The following DDX10 variants were observed in gnomAD, a reference collection of about 807,000 sequenced individuals.
DDX10 encodes the protein DEAD-box helicase 10.
In DDX10, 74 loss-of-function variants were observed where a neutral mutation model predicts 104.3. The ratio of observed to expected loss-of-function variants is 0.71; its 90% CI spans 0.59 to 0.86. The LOEUF (loss-of-function observed/expected upper bound fraction) is 0.86. Among genes scored for constraint, DDX10 ranks in the 40% least tolerant of loss-of-function variants. DDX10 has a pLI of 0.00. For synonymous variants in DDX10, 351 were observed against 353.4 expected, an observed-to-expected ratio of 0.99 and a Z score of 0.08; for missense variants, 952 against 1,040.0, an observed-to-expected ratio of 0.92 and a Z score of 1.16.
intron 16 of DDX10, among the ~76,000 whole-genome samples, chr11:108,899,273 T>A (rs1454835330): frequency 1.3e-5 from 2 of 152,116 alleles, no homozygotes; most frequent in Non-Finnish European, 2.9e-5. Flanking sequence ...TAAATTACTT[T>A]GATTTTTCCA....
At chr11:108,728,394 A>G (rs2094307826) in intron 13 of DDX10, among the ~76,000 whole-genome samples, 1 of 152,022 alleles carries the variant, frequency 6.6e-6, no homozygotes, top group South Asian at 2.1e-4. Context: ...TTGGTGGAAA[A>G]TCTCTAGTAA....
rs781358749 is a variant in DDX10, at chr11:108,677,072, CT to C, written c.379-12del. 1 of 1,590,410 alleles carries C rather than the reference CT, an allele frequency of 6.3e-7. No individual in the cohort carries two copies. Reference sequence around the variant, plus strand: ...TGATGACTTACTGAACATGAATTTGCTGTCTTTTTGAGGTGCTGGAAGCCTT... The same window carrying C: ...TGATGACTTACTGAACATGAATTTGCGTCTTTTTGAGGTGCTGGAAGCCTT... On this transcript the variant is annotated splice_polypyrimidine_tract_variant and intron_variant, in intron 3 of 17. Coordinates refer to ENST00000322536, the MANE Select transcript of DDX10 (RefSeq NM_004398.4).
At chr11:108,738,930 A>C (rs1448011075) in intron 13 of DDX10, among the ~76,000 whole-genome samples, 2 of 152,124 alleles carry the variant, frequency 1.3e-5, no homozygotes, top group African/African-American at 4.8e-5. Flanking sequence ...GGTGCTGTCC[A>C]CAGAGTGGGT....
At chr11:108,883,409 C>T (rs538598670) in intron 16 of DDX10, among the ~76,000 whole-genome samples, 52 of 152,194 alleles carry the variant, frequency 3.4e-4, no homozygotes, top group Admixed American at 7.2e-4. Context: ...TAAGGCCAGC[C>T]TCTCTATTTG....
At chr11:108,867,587 A>C (rs1284189998) in intron 16 of DDX10, among the ~76,000 whole-genome samples, 2 of 152,224 alleles carry the variant, frequency 1.3e-5, no homozygotes, top group Admixed American at 6.5e-5. Flanking sequence ...TATGGAGTAC[A>C]TTCATTCTGC....
At chr11:108,689,205 A>G (rs1330314425) in intron 7 of DDX10, 143 bp downstream of exon 7, 2 of 821,460 alleles carry the variant, frequency 2.4e-6, no homozygotes, top group African/African-American at 3.4e-5. Context: ...TTGCAAAGGA[A>G]TCCGTGGCTG....
intron 6 of DDX10, among the ~76,000 whole-genome samples, chr11:108,687,777 T>C (rs2094246483): frequency 2.0e-5 from 3 of 152,234 alleles, no homozygotes; most frequent in African/African-American, 7.2e-5. Flanking sequence ...AAACATTTAA[T>C]TTTAATGAAG....
At chr11:108,713,648 C>T (rs1489703014) in intron 10 of DDX10, among the ~76,000 whole-genome samples, 2 of 152,160 alleles carry the variant, frequency 1.3e-5, no homozygotes, top group Non-Finnish European at 2.9e-5. Flanking sequence ...CCTGCCATGT[C>T]TGGTTATGAT....
intron 10 of DDX10, among the ~76,000 whole-genome samples, chr11:108,711,196 C>T (rs1001832093): frequency 1.3e-5 from 2 of 152,208 alleles, no homozygotes; most frequent in Non-Finnish European, 2.9e-5. Flanking sequence ...TGTTGCATTC[C>T]ACAAAGTTTG....
In DDX10 at chr11:108,778,293, A is replaced by C. The variant is rs567742630; in HGVS notation, c.1965+54831A>C. On this transcript the variant is annotated intron_variant, in intron 13 of 17. Transcript: ENST00000322536. ...GCATCACGCTACCTGACTTCAAACT[A>C]TACTACAAGGCTACAGTAACCAAAA... is the stretch of plus-strand genomic sequence containing the variant. Among the ~76,000 whole-genome samples the C allele has an allele frequency of 5.3e-4, 81 of 152,348 alleles. No homozygotes were observed. The East Asian group carries it at 9.8e-3, about 18-fold the overall frequency.
chr11:108,909,312 G>T (rs1468650856), intron 16 of DDX10, among the ~76,000 whole-genome samples: 1 of 152,056 alleles, frequency 6.6e-6, no homozygotes, highest in East Asian at 1.9e-4. Context: ...CCCAGGAAGG[G>T]CATGGAAGTT....
chr11:108,918,430 T>C (rs1184347659), intron 17 of DDX10: 4 of 182,154 alleles, frequency 2.2e-5, no homozygotes, highest in Non-Finnish European at 3.4e-5. Flanking sequence ...CTGCTAAAAA[T>C]TGTCCTTGAA....
chr11:108,708,210 TAAA>T (rs10602059), intron 10 of DDX10, among the ~76,000 whole-genome samples: 15 of 127,162 alleles, frequency 1.2e-4, no homozygotes, highest in African/African-American at 3.1e-4. Context: ...TTTACTGAGT[TAAA>T]AAAAAAAAAA....
rs187969956 is a variant in DDX10 at position 108,927,480 on chromosome 11, C to T, written c.2450+9462C>T. 5.9e-5 allele frequency among the ~76,000 whole-genome samples: 9 copies of T among 152,296 alleles called. No individual in the cohort carries two copies. The South Asian group carries it at 8.3e-4, about 14-fold the overall frequency. ...TTTATAACTTAATTATTGGAACTGTCTGCCCCAGCATCCTTGGAAGTTTAG... is the reference window on the plus strand; with the variant it reads ...TTTATAACTTAATTATTGGAACTGTTTGCCCCAGCATCCTTGGAAGTTTAG... On this transcript the variant is annotated intron_variant, in intron 17 of 17. Coordinates refer to ENST00000322536, the MANE Select transcript of DDX10 (RefSeq NM_004398.4).
intron 13 of DDX10, among the ~76,000 whole-genome samples, chr11:108,738,043 A>G (rs1253000399): frequency 6.6e-6 from 1 of 152,048 alleles, no homozygotes; most frequent in Non-Finnish European, 1.5e-5. Context: ...TGCATATTCC[A>G]AAAACACTTA....
intron 16 of DDX10, among the ~76,000 whole-genome samples, chr11:108,861,882 T>C (rs2726908): frequency 0.76 from 115,014 of 152,074 alleles, 43,856 homozygotes; most frequent in Admixed American, 0.8. Context: ...AGAAATTAGC[T>C]GGGCATTGCG....
At chr11:108,919,214 T>C (rs1396993522) in intron 17 of DDX10, 1 of 152,196 alleles carries the variant, frequency 6.6e-6, no homozygotes, top group East Asian at 1.9e-4. Flanking sequence ...AACTAGGTGG[T>C]TGAACATATG....
At chr11:108,674,368 G>C (rs913718793) in intron 2 of DDX10, among the ~76,000 whole-genome samples, 2 of 152,030 alleles carry the variant, frequency 1.3e-5, no homozygotes, top group African/African-American at 2.4e-5. Context: ...CTGTGGAATG[G>C]CTAAATCAAA....
intron 16 of DDX10, among the ~76,000 whole-genome samples, chr11:108,873,862 C>A (rs1863115177): frequency 1.3e-5 from 2 of 152,158 alleles, no homozygotes; most frequent in South Asian, 4.1e-4. Flanking sequence ...TCACCAATCC[C>A]AAGTAAATTA....
Sources: allele counts gnomAD v4.1 joint callset (sites outside exome capture counted in the v4.1 genomes callset), GRCh38; gene constraint gnomAD v4.1.1; transcripts MANE v1.5; gene names NCBI Gene and HGNC (gene_info 2026-07-23, HGNC 2026-07-21).